Variants in BANP observed in about 807,000 individuals in gnomAD.
BANP encodes the protein protein BANP.
BANP carries 11 observed loss-of-function variants against 68.1 expected under a neutral mutation model. The observed-to-expected ratio is 0.16, with a 90% CI of 0.10 to 0.27. The LOEUF (loss-of-function observed/expected upper bound fraction) is 0.27, where lower values mean the gene tolerates loss of function less well. Ranked by LOEUF, BANP falls within the 10% of genes least tolerant of loss-of-function variation. The probability of loss-of-function intolerance (pLI) is 1.00; values close to 1 mark genes in which losing one functional copy is unlikely to be tolerated. For missense variants in BANP, 504 were observed against 722.7 expected (o/e 0.70, Z 3.47); for synonymous variants, 329 against 303.2 (o/e 1.09, Z -0.88).
intron 11 of BANP, among the ~76,000 whole-genome samples, chr16:88,050,771 C>T (rs148319784): frequency 0.022 from 3,361 of 152,170 alleles, 125 homozygotes; most frequent in African/African-American, 0.077. Flanking sequence ...TCACTGCAAC[C>T]TCTGCCTCCA....
intron 4 of BANP, among the ~76,000 whole-genome samples, chr16:87,985,283 C>T (rs563876663): frequency 6.6e-5 from 10 of 152,298 alleles, no homozygotes; most frequent in East Asian, 3.9e-4. Context: ...GGCCGTCTTC[C>T]GAGCTCCGCT....
intron 11 of BANP, among the ~76,000 whole-genome samples, chr16:88,063,437 A>T (rs2087489079): frequency 6.6e-6 from 1 of 152,232 alleles, no homozygotes; most frequent in Admixed American, 6.5e-5. Flanking sequence ...TGAAATCCAC[A>T]TATGGCAAAC....
At position 87,979,803 on chromosome 16, in the gene BANP, A is replaced by G. The variant is rs145598825; in HGVS notation, c.71-1233A>G. 2.0e-5 allele frequency among the ~76,000 whole-genome samples: 3 copies of G among 152,324 alleles called. No individual in the cohort carries two copies. The East Asian group carries it at 5.8e-4, about 29-fold the overall frequency. On this transcript the variant is annotated intron_variant, in intron 2 of 13. Transcript: ENST00000682872. ...CATTCATTTTTGTAAATAGTCACAC[A>G]CTGGTATTACTGTTAAAAACTTAAA...
At chr16:88,069,332 A>G (rs2089689518) in intron 12 of BANP, among the ~76,000 whole-genome samples, 1 of 152,190 alleles carries the variant, frequency 6.6e-6, no homozygotes, top group South Asian at 2.1e-4. Context: ...TGACAAATTC[A>G]TTGTTAAAAA....
intron 4 of BANP, among the ~76,000 whole-genome samples, chr16:87,991,274 T>C (rs1485277905): frequency 6.6e-6 from 1 of 152,056 alleles, no homozygotes; most frequent in Non-Finnish European, 1.5e-5. Context: ...TTCACATAAT[T>C]GTATGATACA....
chr16:87,961,053 A>G (rs916203480), intron 1 of BANP, among the ~76,000 whole-genome samples: 1 of 152,252 alleles, frequency 6.6e-6, no homozygotes, highest in East Asian at 1.9e-4. Context: ...AACTCGGTGA[A>G]GCAACATTTT....
At chr16:87,985,251 G>A (rs1205264486) in intron 4 of BANP, among the ~76,000 whole-genome samples, 7 of 152,326 alleles carry the variant, frequency 4.6e-5, no homozygotes, top group East Asian at 1.9e-4. Context: ...CGGGCATGCC[G>A]GGGCTTTTGG....
intron 1 of BANP, among the ~76,000 whole-genome samples, chr16:87,968,820 C>T (rs931313504): frequency 1.3e-5 from 2 of 152,144 alleles, no homozygotes; most frequent in Non-Finnish European, 2.9e-5. Flanking sequence ...GGACCCTCCC[C>T]CCACAGCTTA....
At chr16:87,961,406 T>TGCCCCCC (rs1330520425) in intron 1 of BANP, among the ~76,000 whole-genome samples, 2 of 112,156 alleles carry the variant, frequency 1.8e-5, no homozygotes, top group Non-Finnish European at 4.2e-5. Flanking sequence ...TCACAGAATC[T>TGCCCCCC]GCACCCCCCC....
Position 88,007,822 on chromosome 16 carries a change from A to T in BANP, c.655+1557A>T, listed in dbSNP as rs7405403. On this transcript the variant is annotated intron_variant, in intron 6 of 13. Coordinates refer to ENST00000682872, the MANE Select transcript of BANP (RefSeq NM_001386991.1). Reference sequence around the variant, plus strand: ...TGCTAGGATTCAGATGGCAGAATGGAGGGAAGAGAGAAAGAGACGTTGAGT... The same window carrying T: ...TGCTAGGATTCAGATGGCAGAATGGTGGGAAGAGAGAAAGAGACGTTGAGT... 1.5e-4 allele frequency among the ~76,000 whole-genome samples: 23 copies of T among 152,158 alleles called. 1 individual carries two copies. The South Asian group carries it at 3.9e-3, about 26-fold the overall frequency.
intron 7 of BANP, among the ~76,000 whole-genome samples, chr16:88,023,610 G>A (rs747788302): frequency 9.2e-5 from 14 of 152,194 alleles, no homozygotes; most frequent in Admixed American, 7.9e-4. Context: ...GACTGATAAA[G>A]CCCCATGCCA....
chr16:87,954,029 T>A (rs1457911940), intron 1 of BANP, among the ~76,000 whole-genome samples: 1 of 152,172 alleles, frequency 6.6e-6, no homozygotes, highest in Non-Finnish European at 1.5e-5. Context: ...CGCCGGGGAC[T>A]CTGACTCTGG....
intron 7 of BANP, among the ~76,000 whole-genome samples, chr16:88,023,299 T>G (rs1156313612): frequency 6.6e-6 from 1 of 152,108 alleles, no homozygotes; most frequent in Admixed American, 6.5e-5. Context: ...GCTAACAGAC[T>G]GAGGACAGGT....
chr16:87,951,596 C>A lies in BANP; in HGVS notation c.-69+81C>A, dbSNP rs530928253. On this transcript the variant is annotated intron_variant, in intron 1 of 13. Coordinates refer to ENST00000682872, the MANE Select transcript of BANP (RefSeq NM_001386991.1). The stretch of plus-strand genomic sequence containing the variant: ...AGAGCGAGAGCGAGATCTCCCTCCT[C>A]CCTCCTCCTCCCGCCCGCCGGGCCG... 8 of 150,978 alleles carry A rather than the reference C, an allele frequency of 5.3e-5. No homozygotes were observed. In the South Asian group the frequency reaches 1.4e-3, roughly 27 times the overall value. The allele number at this position is 150,978 out of a possible 1,614,324, so 9.4% of individuals were successfully genotyped here.
intron 4 of BANP, among the ~76,000 whole-genome samples, chr16:88,001,103 A>T (rs879096117): frequency 3.4e-4 from 11 of 31,994 alleles, no homozygotes; most frequent in Admixed American, 7.6e-4. Flanking sequence ...TGTACTTACC[A>T]GGCCTTCCAG....
At chr16:88,058,580 C>T (rs1034942027) in intron 11 of BANP, among the ~76,000 whole-genome samples, 2 of 152,172 alleles carry the variant, frequency 1.3e-5, no homozygotes, top group Non-Finnish European at 2.9e-5. Context: ...TACAGGGGAA[C>T]GTGGCCAAGG....
chr16:88,076,382 C>T (rs1321976994), intron 13 of BANP, among the ~76,000 whole-genome samples: 2 of 141,402 alleles, frequency 1.4e-5, no homozygotes, highest in Admixed American at 7.6e-5. Context: ...CGGAGCCTCC[C>T]TGGGCGCCAG....
upstream of BANP, among the ~76,000 whole-genome samples, chr16:87,950,102 C>T (rs374244168): frequency 7.9e-4 from 120 of 152,282 alleles, no homozygotes; most frequent in African/African-American, 2.6e-3. Flanking sequence ...TGGTCTCGAT[C>T]TCCTGACCTC....
intron 11 of BANP, among the ~76,000 whole-genome samples, chr16:88,050,604 G>A (rs536040185): frequency 1.3e-5 from 2 of 152,170 alleles, no homozygotes; most frequent in African/African-American, 2.4e-5. Flanking sequence ...GACCAGGCAC[G>A]AGTGAGCCTG....
Sources: gnomAD v4.1 joint callset for allele counts (sites outside exome capture counted in the v4.1 genomes callset) on GRCh38, gnomAD v4.1.1 for gene constraint, MANE v1.5 for transcripts, NCBI Gene and HGNC (gene_info 2026-07-23, HGNC 2026-07-21) for gene names.